KCNK2: variants seen among roughly 807,000 people sequenced by gnomAD.
KCNK2 encodes potassium channel subfamily K member 2.
In KCNK2, 21 loss-of-function variants were observed where a neutral mutation model predicts 40.5. The ratio of observed to expected loss-of-function variants is 0.52; its 90% CI spans 0.37 to 0.75. The LOEUF is 0.75. Ranked by LOEUF, KCNK2 falls within the 30% of genes least tolerant of loss-of-function variation. The pLI is 0.00. For synonymous variants in KCNK2, 191 were observed against 202.2 expected, an observed-to-expected ratio of 0.94 and a Z score of 0.47; for missense variants, 399 against 531.6, an observed-to-expected ratio of 0.75 and a Z score of 2.45.
intron 1 of KCNK2, among the ~76,000 whole-genome samples, chr1:215,008,075 C>T (rs940024418): frequency 3.3e-5 from 5 of 150,720 alleles, no homozygotes; most frequent in African/African-American, 1.2e-4. Context: ...ATTCTGGGAC[C>T]TTGACCAAGA....
intron 5 of KCNK2, among the ~76,000 whole-genome samples, chr1:215,181,369 G>T (rs1221043111): frequency 6.6e-6 from 1 of 152,062 alleles, no homozygotes. Flanking sequence ...TTTCCATTTT[G>T]GTTTGGGGCC....
At chr1:215,071,018 A>G (rs1658739393) in intron 1 of KCNK2, among the ~76,000 whole-genome samples, 1 of 152,220 alleles carries the variant, frequency 6.6e-6, no homozygotes. Flanking sequence ...TACTTCTACT[A>G]TATGAAGAAA....
At chr1:215,019,001 A>C (rs868733826) in intron 1 of KCNK2, among the ~76,000 whole-genome samples, 4,404 of 141,618 alleles carry the variant, frequency 0.031, 115 homozygotes, top group African/African-American at 0.078. Flanking sequence ...ACACACACAA[A>C]AAAAAAACCA....
intron 2 of KCNK2, among the ~76,000 whole-genome samples, chr1:215,100,144 A>C (rs1010289576): frequency 6.6e-6 from 1 of 151,880 alleles, no homozygotes; most frequent in Non-Finnish European, 1.5e-5. Context: ...TACCTCATTT[A>C]TCTTCTAGAT....
At chr1:215,098,533 G>A (rs144318507) in intron 2 of KCNK2, among the ~76,000 whole-genome samples, 1 of 151,938 alleles carries the variant, frequency 6.6e-6, no homozygotes, top group East Asian at 1.9e-4. Flanking sequence ...CATTGTTAAA[G>A]ATCATGATGA....
chr1:215,095,605 T>C (rs1659942675), intron 2 of KCNK2, among the ~76,000 whole-genome samples: 1 of 152,078 alleles, frequency 6.6e-6, no homozygotes, highest in Non-Finnish European at 1.5e-5. Flanking sequence ...AACGCTTCTT[T>C]CCACAGTACC....
intron 1 of KCNK2, among the ~76,000 whole-genome samples, chr1:215,069,464 C>G (rs920721688): frequency 1.3e-5 from 2 of 152,208 alleles, no homozygotes; most frequent in Non-Finnish European, 2.9e-5. Context: ...CTGGGCCAAG[C>G]CCCAGAGGAT....
chr1:215,170,741 A>G (rs534887359), intron 4 of KCNK2, among the ~76,000 whole-genome samples: 1 of 152,196 alleles, frequency 6.6e-6, no homozygotes, highest in East Asian at 1.9e-4. Flanking sequence ...TATTTAAAAG[A>G]ATTATCTGTT....
At chr1:215,141,172 C>A (rs1274532558) in intron 3 of KCNK2, among the ~76,000 whole-genome samples, 3 of 151,932 alleles carry the variant, frequency 2.0e-5, no homozygotes, top group African/African-American at 7.2e-5. Context: ...AATAACTTCT[C>A]CTAGAATATC....
At chr1:215,213,435 C>A (rs1215591612) in intron 6 of KCNK2, among the ~76,000 whole-genome samples, 2 of 152,048 alleles carry the variant, frequency 1.3e-5, no homozygotes, top group East Asian at 3.9e-4. Flanking sequence ...ATGGTGAAAA[C>A]CCACGTCTAC....
intron 2 of KCNK2, among the ~76,000 whole-genome samples, chr1:215,089,818 T>A (rs948254909): frequency 1.2e-5 from 1 of 86,092 alleles, no homozygotes; most frequent in Non-Finnish European, 2.5e-5. Context: ...TGTTCAGGTT[T>A]CTTTTTCTTT....
At chr1:215,127,417 A>G (rs76740538) in intron 3 of KCNK2, among the ~76,000 whole-genome samples, 1 of 152,352 alleles carries the variant, frequency 6.6e-6, no homozygotes, top group East Asian at 1.9e-4. Context: ...CAAATTCTTC[A>G]CAAATTCTAT....
chr1:215,078,103 G>T (rs543339148), upstream of KCNK2, among the ~76,000 whole-genome samples: 7 of 152,288 alleles, frequency 4.6e-5, no homozygotes, highest in South Asian at 1.5e-3. Flanking sequence ...TAACACTAAT[G>T]TTAGCTGATG....
intron 2 of KCNK2, among the ~76,000 whole-genome samples, chr1:215,111,723 T>C (rs1660691542): frequency 6.6e-6 from 1 of 152,108 alleles, no homozygotes; most frequent in Admixed American, 6.6e-5. Flanking sequence ...TTCATATGCC[T>C]CTGTTACTTT....
At chr1:215,107,637 C>T (rs1300229683) in intron 2 of KCNK2, among the ~76,000 whole-genome samples, 1 of 151,932 alleles carries the variant, frequency 6.6e-6, no homozygotes, top group Non-Finnish European at 1.5e-5. Flanking sequence ...ATTTGCATGT[C>T]TTCTTTGGCG....
chr1:215,070,941 C>A (rs1264535601), intron 1 of KCNK2, among the ~76,000 whole-genome samples: 3 of 152,084 alleles, frequency 2.0e-5, no homozygotes, highest in African/African-American at 7.2e-5. Context: ...TATGATCAGG[C>A]AATTGTCCTG....
At chr1:215,099,487 T>C (rs866498655) in intron 2 of KCNK2, among the ~76,000 whole-genome samples, 1 of 151,996 alleles carries the variant, frequency 6.6e-6, no homozygotes, top group Non-Finnish European at 1.5e-5. Flanking sequence ...GTGCTACTAT[T>C]TGTGGACTGC....
At chr1:215,210,010 TAA>T (rs1665656542) in intron 6 of KCNK2, among the ~76,000 whole-genome samples, 1 of 25,822 alleles carries the variant, frequency 3.9e-5, no homozygotes, top group Non-Finnish European at 6.4e-5. Flanking sequence ...ATATTATATA[TAA>T]TATATAATAT....
chr1:215,023,342 A>T (rs970230604), intron 1 of KCNK2, among the ~76,000 whole-genome samples: 2 of 152,176 alleles, frequency 1.3e-5, no homozygotes, highest in African/African-American at 2.4e-5. Context: ...CTTGACAGAG[A>T]ACCCTGCCAT....
Sources: allele counts gnomAD v4.1 joint callset (sites outside exome capture counted in the v4.1 genomes callset), GRCh38; gene constraint gnomAD v4.1.1; transcripts MANE v1.5; gene names NCBI Gene and HGNC (gene_info 2026-07-23, HGNC 2026-07-21).